COL23A1: variants seen among roughly 807,000 people sequenced by gnomAD.
COL23A1 encodes the protein collagen alpha-1(XXIII) chain.
Under a neutral mutation model 99.3 loss-of-function variants are expected in COL23A1, and 97 were observed. The observed-to-expected ratio is 0.98, with a 90% confidence interval of 0.83 to 1.16. The LOEUF is 1.16. Among genes scored for constraint, COL23A1 ranks in the 50% most tolerant of loss-of-function variants. The pLI, the probability that COL23A1 is intolerant of heterozygous loss-of-function variation, is 0.00. For synonymous variants in COL23A1, 320 were observed against 308.2 expected (o/e 1.04, Z -0.40); for missense variants, 762 against 757.4 (o/e 1.01, Z -0.07).
At chr5:178,362,443 G>A (rs1475973538) in intron 2 of COL23A1, among the ~76,000 whole-genome samples, 1 of 151,982 alleles carries the variant, frequency 6.6e-6, no homozygotes, top group Non-Finnish European at 1.5e-5. Flanking sequence ...GGTGCCTGTG[G>A]CCTGCCAAGC....
At chr5:178,432,654 C>A (rs1766328059) in intron 2 of COL23A1, among the ~76,000 whole-genome samples, 1 of 152,144 alleles carries the variant, frequency 6.6e-6, no homozygotes, top group African/African-American at 2.4e-5. Flanking sequence ...TGAAGAGACT[C>A]AAGCCAGGAA....
intron 2 of COL23A1, among the ~76,000 whole-genome samples, chr5:178,513,057 C>G (rs1759297094): frequency 6.6e-6 from 1 of 152,190 alleles, no homozygotes; most frequent in Admixed American, 6.5e-5. Context: ...GGGGCTCAAG[C>G]TGCAGGGAAC....
At chr5:178,578,857 T>C (rs1388826314) in intron 1 of COL23A1, among the ~76,000 whole-genome samples, 3 of 152,172 alleles carry the variant, frequency 2.0e-5, no homozygotes, top group Non-Finnish European at 4.4e-5. Context: ...CTCTCTTAAT[T>C]AAAGCAAATT....
chr5:178,362,665 G>A (rs781005508), intron 2 of COL23A1, among the ~76,000 whole-genome samples: 8 of 152,084 alleles, frequency 5.3e-5, no homozygotes, highest in Admixed American at 2.0e-4. Flanking sequence ...AGGAGTCTCC[G>A]CCATGGGACT....
intron 2 of COL23A1, among the ~76,000 whole-genome samples, chr5:178,527,267 C>T (rs1760362054): frequency 6.6e-6 from 1 of 152,220 alleles, no homozygotes; most frequent in South Asian, 2.1e-4. Context: ...GACTGACACT[C>T]ACCCTCGCCC....
chr5:178,441,627 T>C (rs1007054719), intron 2 of COL23A1, among the ~76,000 whole-genome samples: 1 of 152,158 alleles, frequency 6.6e-6, no homozygotes, highest in African/African-American at 2.4e-5. Flanking sequence ...AGATCCCATT[T>C]CACCCTGATG....
intron 1 of COL23A1, among the ~76,000 whole-genome samples, chr5:178,586,296 A>T (rs1389813418): frequency 6.6e-6 from 1 of 152,162 alleles, no homozygotes; most frequent in Non-Finnish European, 1.5e-5. Context: ...CATACATGGG[A>T]GCTGTGACCA....
chr5:178,559,081 C>T (rs930336415), intron 2 of COL23A1, among the ~76,000 whole-genome samples: 4 of 152,210 alleles, frequency 2.6e-5, no homozygotes, highest in African/African-American at 7.2e-5. Context: ...TGGGCCACCG[C>T]GCCCGGCCAC....
At chr5:178,444,175 G>A (rs1181051531) in intron 2 of COL23A1, among the ~76,000 whole-genome samples, 1 of 152,088 alleles carries the variant, frequency 6.6e-6, no homozygotes, top group African/African-American at 2.4e-5. Flanking sequence ...CACGGCCGGG[G>A]TTACAGAGCA....
chr5:178,544,484 C>G lies in COL23A1; in HGVS notation c.361+16198G>C, dbSNP rs1031962545. ...TCTCCCTCAGATGGGGTCCCCTGTT[C>G]TCTCCACCTGCCCCAGAAAACAGCA... On this transcript the variant is annotated intron_variant, in intron 2 of 28. Coordinates refer to ENST00000390654, the MANE Select transcript of COL23A1 (RefSeq NM_173465.4). The surrounding 1 kb of genome is among the most constrained non-coding windows in gnomAD (Gnocchi z 4.4). 5.3e-5 allele frequency among the ~76,000 whole-genome samples: 8 copies of G among 152,212 alleles called. No homozygotes were observed. Among genetic ancestry groups the G allele is most frequent in the African/African-American group, 1.9e-4 (8 of 41,452 alleles).
At chr5:178,579,734 G>A (rs763671745) in intron 1 of COL23A1, among the ~76,000 whole-genome samples, 2 of 152,138 alleles carry the variant, frequency 1.3e-5, no homozygotes, top group Non-Finnish European at 2.9e-5. Context: ...TTACAGGCAT[G>A]AGCCACCGCG....
intron 6 of COL23A1, among the ~76,000 whole-genome samples, chr5:178,269,626 T>TCCATCCATCCATC (rs1221750120): frequency 2.8e-5 from 1 of 35,648 alleles, no homozygotes; most frequent in Admixed American, 2.7e-4. Flanking sequence ...ATCCATCCAT[T>TCCATCCATCCATC]CATCCACCCA....
chr5:178,357,910 GTGTGTA>G (rs201633388), intron 2 of COL23A1, among the ~76,000 whole-genome samples: 34,593 of 123,540 alleles, frequency 0.28, 4,506 homozygotes, highest in South Asian at 0.38. Context: ...TGTCTAATGT[GTGTGTA>G]TGTGTATGTG....
chr5:178,404,287 C>T (rs1265973080), intron 2 of COL23A1, among the ~76,000 whole-genome samples: 1 of 152,200 alleles, frequency 6.6e-6, no homozygotes, highest in Non-Finnish European at 1.5e-5. Flanking sequence ...ATCATTCATT[C>T]ATTTAACAAT....
At chr5:178,328,646 C>G (rs1269395828) in intron 2 of COL23A1, among the ~76,000 whole-genome samples, 1 of 152,208 alleles carries the variant, frequency 6.6e-6, no homozygotes, top group Non-Finnish European at 1.5e-5. Flanking sequence ...ATTTTGTGTT[C>G]AAGCCTCTAC....
chr5:178,484,007 G>C (rs879680742), intron 2 of COL23A1, among the ~76,000 whole-genome samples: 53 of 151,988 alleles, frequency 3.5e-4, no homozygotes, highest in Admixed American at 8.5e-4. Flanking sequence ...GCATGATCTC[G>C]GCTCTCTGCA....
At chr5:178,330,349 C>T (rs1759945555) in intron 2 of COL23A1, among the ~76,000 whole-genome samples, 1 of 152,350 alleles carries the variant, frequency 6.6e-6, no homozygotes, top group African/African-American at 2.4e-5. Flanking sequence ...AAGCCTCCCT[C>T]TGCACACGGG....
intron 2 of COL23A1, among the ~76,000 whole-genome samples, chr5:178,368,114 G>A (rs1315695897): frequency 6.6e-6 from 1 of 152,220 alleles, no homozygotes; most frequent in South Asian, 2.1e-4. Context: ...GGGCAGGCAA[G>A]AAACAGCTCT....
At chr5:178,417,340 C>T (rs1211592728) in intron 2 of COL23A1, among the ~76,000 whole-genome samples, 6 of 152,242 alleles carry the variant, frequency 3.9e-5, no homozygotes, top group African/African-American at 1.4e-4. Context: ...CTTGACCCTG[C>T]TGATTACTGC....
Sources: allele counts gnomAD v4.1 joint callset (sites outside exome capture counted in the v4.1 genomes callset), GRCh38; gene constraint gnomAD v4.1.1; non-coding constraint Gnocchi (gnomAD v3.1); transcripts MANE v1.5; gene names NCBI Gene and HGNC (gene_info 2026-07-23, HGNC 2026-07-21).